Variants in ZFHX3 observed in about 807,000 individuals in gnomAD.
ZFHX3 encodes zinc finger homeobox 3, also known as zinc finger homeobox protein 3.
Under a neutral mutation model 279.1 loss-of-function variants are expected in ZFHX3, and 42 were observed. The observed-to-expected ratio is 0.15, with a 90% confidence interval of 0.12 to 0.19. The LOEUF is 0.19. Among genes scored for constraint, ZFHX3 ranks in the 10% least tolerant of loss-of-function variants. The probability of loss-of-function intolerance (pLI) is 1.00; values close to 1 mark genes in which losing one functional copy is unlikely to be tolerated. For missense variants in ZFHX3, 4,981 were observed against 4,754.0 expected, an observed-to-expected ratio of 1.05 and a Z score of -1.40; for synonymous variants, 2,293 against 1,957.8, an observed-to-expected ratio of 1.17 and a Z score of -4.52.
intron 2 of ZFHX3, among the ~76,000 whole-genome samples, chr16:73,638,123 A>G (rs1166060414): frequency 1.3e-5 from 2 of 152,204 alleles, no homozygotes; most frequent in Admixed American, 6.5e-5. Flanking sequence ...CATATCCTTC[A>G]AGAGTCACAA....
intron 5 of ZFHX3, among the ~76,000 whole-genome samples, chr16:73,205,714 G>C (rs1419381785): frequency 6.6e-6 from 1 of 152,126 alleles, no homozygotes; most frequent in African/African-American, 2.4e-5. Flanking sequence ...GATTAGGAAA[G>C]CAGTAAAAAT....
intron 4 of ZFHX3, among the ~76,000 whole-genome samples, chr16:73,293,439 AATC>A (rs1280143114): frequency 6.6e-6 from 1 of 152,210 alleles, no homozygotes; most frequent in Non-Finnish European, 1.5e-5. Context: ...GAAAGCCAGG[AATC>A]ATCATAAATG....
At chr16:73,335,876 T>G (rs1461297226) in intron 3 of ZFHX3, among the ~76,000 whole-genome samples, 1 of 152,216 alleles carries the variant, frequency 6.6e-6, no homozygotes, top group East Asian at 1.9e-4. Context: ...GTTTGGGCAG[T>G]TAATGAGTTT....
intron 5 of ZFHX3, among the ~76,000 whole-genome samples, chr16:73,176,655 C>G (rs1291609805): frequency 6.9e-6 from 1 of 144,662 alleles, no homozygotes; most frequent in African/African-American, 2.6e-5. Context: ...TTGCTAATTA[C>G]TTCTCTGGAA....
At chr16:72,857,463 G>T (rs761053244) in intron 4 of ZFHX3, among the ~76,000 whole-genome samples, 41 of 152,326 alleles carry the variant, frequency 2.7e-4, no homozygotes, top group South Asian at 8.3e-4. Flanking sequence ...GAGGCAGGAG[G>T]ATCACTTGAG....
intron 1 of ZFHX3, among the ~76,000 whole-genome samples, chr16:73,007,607 C>T (rs1201281993): frequency 1.3e-5 from 2 of 152,028 alleles, no homozygotes; most frequent in African/African-American, 4.8e-5. Flanking sequence ...CCACCGCACC[C>T]GGCTGATTTT....
chr16:73,427,524 C>G (rs1357404944), intron 3 of ZFHX3, among the ~76,000 whole-genome samples: 1 of 152,154 alleles, frequency 6.6e-6, no homozygotes, highest in Non-Finnish European at 1.5e-5. Context: ...TGCTCATTTC[C>G]AAGCTTCTAG....
intron 2 of ZFHX3, among the ~76,000 whole-genome samples, chr16:73,569,192 A>G (rs1386384492): frequency 6.6e-6 from 1 of 152,182 alleles, no homozygotes; most frequent in East Asian, 1.9e-4. Context: ...GAAGGAATAT[A>G]GAATTCCTTT....
intron 2 of ZFHX3, among the ~76,000 whole-genome samples, chr16:73,616,182 T>C (rs529253329): frequency 6.6e-6 from 1 of 151,802 alleles, no homozygotes; most frequent in East Asian, 1.9e-4. Context: ...TTTTAAACAG[T>C]TTGAAAATGT....
chr16:72,960,756 A>G (rs1961540176), intron 1 of ZFHX3, among the ~76,000 whole-genome samples: 3 of 152,148 alleles, frequency 2.0e-5, no homozygotes, highest in Non-Finnish European at 1.5e-5. Context: ...GCTTTTACTG[A>G]CCATGGTTCT....
chr16:73,613,353 C>A (rs1178573381), intron 2 of ZFHX3, among the ~76,000 whole-genome samples: 1 of 151,970 alleles, frequency 6.6e-6, no homozygotes, highest in African/African-American at 2.4e-5. Context: ...AAATAAACAT[C>A]TGGATAAAGT....
At chr16:73,011,324 G>A (rs1567631589) in intron 1 of ZFHX3, among the ~76,000 whole-genome samples, 1 of 151,530 alleles carries the variant, frequency 6.6e-6, no homozygotes, top group African/African-American at 2.4e-5. Context: ...TAGATATGGG[G>A]TTTCCCTTTG....
intron 2 of ZFHX3, among the ~76,000 whole-genome samples, chr16:73,599,970 C>T (rs929161738): frequency 6.6e-6 from 1 of 152,170 alleles, no homozygotes; most frequent in South Asian, 2.1e-4. Flanking sequence ...GGTGATGGCT[C>T]TTGTCTCCTC....
intron 2 of ZFHX3, among the ~76,000 whole-genome samples, chr16:73,476,702 A>G (rs896820195): frequency 1.3e-5 from 2 of 152,196 alleles, no homozygotes; most frequent in African/African-American, 4.8e-5. Context: ...ATTGCTTTTT[A>G]CCATGAATTT....
At chr16:73,003,290 G>A (rs1053292679) in intron 1 of ZFHX3, among the ~76,000 whole-genome samples, 1 of 151,082 alleles carries the variant, frequency 6.6e-6, no homozygotes, top group Non-Finnish European at 1.5e-5. Context: ...GTCCTGATCC[G>A]GGTATTAGAC....
intron 4 of ZFHX3, among the ~76,000 whole-genome samples, chr16:72,863,844 T>C (rs2143911890): frequency 6.6e-6 from 1 of 152,304 alleles, no homozygotes; most frequent in Admixed American, 6.5e-5. Flanking sequence ...AAGGTTCATT[T>C]TTTTAAAAAA....
intron 3 of ZFHX3, among the ~76,000 whole-genome samples, chr16:72,943,675 C>T (rs1395766577): frequency 6.6e-6 from 1 of 152,226 alleles, no homozygotes; most frequent in Non-Finnish European, 1.5e-5. Context: ...GTGTTGGTCA[C>T]TGTGTGGGAG....
rs573492290 is a variant in ZFHX3, at chr16:73,298,729, G to T, written c.-1194+19511C>A. ...TTACTGAGAATCTCCACTTAGACAGGCATGGGGGCAGGGAAGGGAGATGCT... is the reference window on the plus strand; with the variant it reads ...TTACTGAGAATCTCCACTTAGACAGTCATGGGGGCAGGGAAGGGAGATGCT... On this transcript the variant is annotated intron_variant, in intron 4 of 17. Coordinates refer to the ZFHX3 transcript ENST00000641206. Among the ~76,000 whole-genome samples the T allele has an allele frequency of 4.6e-5, 7 of 152,254 alleles. No homozygotes were observed. The South Asian group carries it at 1.0e-3, about 23-fold the overall frequency.
At chr16:73,473,371 A>AAAAACAC (rs2018709703) in intron 2 of ZFHX3, among the ~76,000 whole-genome samples, 3 of 150,714 alleles carry the variant, frequency 2.0e-5, no homozygotes, top group African/African-American at 7.4e-5. Context: ...AAAAAAAAAA[A>AAAAACAC]ACAAAATAAT....
Sources: allele counts gnomAD v4.1 joint callset (sites outside exome capture counted in the v4.1 genomes callset), GRCh38; gene constraint gnomAD v4.1.1; transcripts MANE v1.5; gene names NCBI Gene and HGNC (gene_info 2026-07-23, HGNC 2026-07-21).